The following SLC44A5 variants were observed in gnomAD, a reference collection of about 807,000 sequenced individuals.
The protein encoded by SLC44A5 is choline transporter-like protein 5.
SLC44A5 carries 57 observed loss-of-function variants against 101.8 expected under a neutral mutation model. That is an observed-to-expected ratio of 0.56 (90% CI 0.45 to 0.70). The LOEUF (loss-of-function observed/expected upper bound fraction) is 0.70, where lower values mean the gene tolerates loss of function less well. SLC44A5 is among the 30% of genes least tolerant of loss of function. SLC44A5 has a pLI of 0.00. For missense variants in SLC44A5, 737 were observed against 853.1 expected (o/e 0.86, Z 1.70); for synonymous variants, 281 against 290.9 (o/e 0.97, Z 0.35).
At chr1:75,610,788 T>G (rs1414265424) in intron 1 of SLC44A5, among the ~76,000 whole-genome samples, 1 of 151,950 alleles carries the variant, frequency 6.6e-6, no homozygotes, top group Non-Finnish European at 1.5e-5. Context: ...GTCCATTGGG[T>G]CACCTTACTT....
Position 75,388,332 on chromosome 1 carries a change from A to C in SLC44A5, c.52+8251T>G, listed in dbSNP as rs536918479. 5.3e-5 allele frequency among the ~76,000 whole-genome samples: 8 copies of C among 152,294 alleles called. No individual in the cohort carries two copies. In the East Asian group the frequency reaches 1.5e-3, roughly 29 times the overall value. On this transcript the variant is annotated intron_variant, in intron 3 of 23. Coordinates refer to ENST00000370859, the MANE Select transcript of SLC44A5 (RefSeq NM_001130058.2). ...TAAAGGAGTTCTAAATGTGGAAATA[A>C]AAGAATAATACTTGCTACCACAAAA...
At chr1:75,264,537 T>G (rs867070410) in intron 6 of SLC44A5, among the ~76,000 whole-genome samples, 1 of 152,214 alleles carries the variant, frequency 6.6e-6, no homozygotes, top group Non-Finnish European at 1.5e-5. Context: ...AACATGCTTC[T>G]GAATGACCGT....
At chr1:75,585,244 T>G (rs551172833) in intron 1 of SLC44A5, among the ~76,000 whole-genome samples, 1 of 152,366 alleles carries the variant, frequency 6.6e-6, no homozygotes, top group South Asian at 2.1e-4. Context: ...AAAAACACAC[T>G]TTTTTCTGGT....
intron 4 of SLC44A5, among the ~76,000 whole-genome samples, chr1:75,329,854 A>T (rs1656887670): frequency 6.6e-6 from 1 of 152,236 alleles, no homozygotes; most frequent in East Asian, 1.9e-4. Flanking sequence ...GCAAGAGATA[A>T]TATCTACCTC....
At chr1:75,526,666 T>G (rs551717510) in intron 2 of SLC44A5, among the ~76,000 whole-genome samples, 1 of 152,356 alleles carries the variant, frequency 6.6e-6, no homozygotes, top group East Asian at 1.9e-4. Flanking sequence ...ACCCCTCTAC[T>G]ACTGCATCCA....
At chr1:75,237,492 C>A (rs1176032309) in intron 10 of SLC44A5, among the ~76,000 whole-genome samples, 1 of 152,066 alleles carries the variant, frequency 6.6e-6, no homozygotes, top group Non-Finnish European at 1.5e-5. Context: ...ATTTCACAAT[C>A]ATCACTGTCC....
At chr1:75,365,596 A>G (rs1313409603) in intron 3 of SLC44A5, among the ~76,000 whole-genome samples, 1 of 152,230 alleles carries the variant, frequency 6.6e-6, no homozygotes, top group Admixed American at 6.5e-5. Flanking sequence ...ATTTATGTTC[A>G]TCGCAGCACT....
At chr1:75,203,940 G>GTTGTTTTT in intron 23 of SLC44A5, 107 bp from the exon 24 acceptor site, 1 of 1,079,468 alleles carries the variant, frequency 9.3e-7, no homozygotes, top group South Asian at 2.3e-5. Flanking sequence ...TCCTTTTGTT[G>GTTGTTTTT]TTTTTTTTTT....
chr1:75,710,574 A>G, the SLC44A5 span: 1 of 150,874 alleles, frequency 6.6e-6, no homozygotes, highest in East Asian at 1.9e-4. Flanking sequence ...AAAAAAAAAA[A>G]AAAAAAAAAA....
intron 1 of SLC44A5, among the ~76,000 whole-genome samples, chr1:75,579,253 TA>T (rs1241075118): frequency 6.6e-6 from 1 of 152,194 alleles, no homozygotes; most frequent in Non-Finnish European, 1.5e-5. Flanking sequence ...TGCCTTTGAC[TA>T]ATCAGCTGAA....
At chr1:75,271,182 C>G (rs983354120) in intron 6 of SLC44A5, among the ~76,000 whole-genome samples, 1 of 152,004 alleles carries the variant, frequency 6.6e-6, no homozygotes, top group East Asian at 1.9e-4. Flanking sequence ...TAGGAATTTG[C>G]CCCTCTCCTT....
At chr1:75,674,656 A>G in the SLC44A5 span, among the ~76,000 whole-genome samples, 9 of 152,182 alleles carry the variant, frequency 5.9e-5, no homozygotes, top group Admixed American at 1.3e-4. Flanking sequence ...TGCTGGGATT[A>G]CAGGCATGAG....
At chr1:75,652,953 G>C in the SLC44A5 span, among the ~76,000 whole-genome samples, 1 of 152,076 alleles carries the variant, frequency 6.6e-6, no homozygotes, top group South Asian at 2.1e-4. Context: ...TCAAATTCTT[G>C]TTAATGGCTC....
At chr1:75,349,556 A>G (rs921500903) in intron 3 of SLC44A5, among the ~76,000 whole-genome samples, 1 of 152,216 alleles carries the variant, frequency 6.6e-6, no homozygotes, top group African/African-American at 2.4e-5. Context: ...ACTTTCAGGC[A>G]AAACAAATGA....
chr1:75,573,912 C>A (rs953688854), intron 1 of SLC44A5, among the ~76,000 whole-genome samples: 1 of 152,138 alleles, frequency 6.6e-6, no homozygotes, highest in Non-Finnish European at 1.5e-5. Flanking sequence ...GCATCTTCTA[C>A]CCGAATATAT....
At chr1:75,472,022 G>T (rs574563576) in intron 2 of SLC44A5, among the ~76,000 whole-genome samples, 2 of 147,304 alleles carry the variant, frequency 1.4e-5, no homozygotes, top group East Asian at 2.1e-4. Context: ...ACTAGATATT[G>T]TATTTTAGTA....
chr1:75,329,348 T>C (rs955699167), intron 4 of SLC44A5, among the ~76,000 whole-genome samples: 14 of 152,060 alleles, frequency 9.2e-5, no homozygotes, highest in African/African-American at 3.4e-4. Flanking sequence ...AACACATACC[T>C]CCATGAATCC....
chr1:75,250,845 T>C (rs1361719201), intron 7 of SLC44A5, among the ~76,000 whole-genome samples: 5 of 152,148 alleles, frequency 3.3e-5, no homozygotes, highest in Non-Finnish European at 5.9e-5. Context: ...TAAATGTTAT[T>C]GTGTGAAGTC....
intron 4 of SLC44A5, among the ~76,000 whole-genome samples, chr1:75,334,656 A>T (rs553681298): frequency 6.6e-6 from 1 of 152,312 alleles, no homozygotes; most frequent in Admixed American, 6.5e-5. Context: ...TCATGAGTTT[A>T]GGCTCTAAAA....
Sources: gnomAD v4.1 joint callset for allele counts (sites outside exome capture counted in the v4.1 genomes callset) on GRCh38, gnomAD v4.1.1 for gene constraint, MANE v1.5 for transcripts, NCBI Gene and HGNC (gene_info 2026-07-23, HGNC 2026-07-21) for gene names.